DNAH14: variants seen among roughly 807,000 people sequenced by gnomAD.
DNAH14 encodes dynein axonemal heavy chain 14.
Under a neutral mutation model 520.9 loss-of-function variants are expected in DNAH14, and 478 were observed. That is an observed-to-expected ratio of 0.92 (90% CI 0.85 to 0.99). The LOEUF (loss-of-function observed/expected upper bound fraction) is 0.99, where lower values mean the gene tolerates loss of function less well. Among genes scored for constraint, DNAH14 ranks in the 50% least tolerant of loss-of-function variants. The pLI, the probability that DNAH14 is intolerant of heterozygous loss-of-function variation, is 0.00. For synonymous variants in DNAH14, 1,581 were observed against 1,757.2 expected (o/e 0.90, Z 2.51); for missense variants, 4,831 against 5,234.5 (o/e 0.92, Z 2.38).
intron 36 of DNAH14, among the ~76,000 whole-genome samples, chr1:225,175,555 A>AT (rs2083221223): frequency 6.6e-6 from 1 of 151,586 alleles, no homozygotes; most frequent in South Asian, 2.1e-4. Context: ...AGATTTGTTG[A>AT]TTTTTAAAAA....
intron 71 of DNAH14, among the ~76,000 whole-genome samples, chr1:225,350,269 AT>A (rs2095346851): frequency 6.6e-6 from 1 of 152,172 alleles, no homozygotes; most frequent in South Asian, 2.1e-4. Context: ...TAGGGGATAC[AT>A]TGAAAGCAGT....
At chr1:225,078,408 T>C (rs897627164) in intron 17 of DNAH14, among the ~76,000 whole-genome samples, 1 of 152,252 alleles carries the variant, frequency 6.6e-6, no homozygotes, top group Non-Finnish European at 1.5e-5. Context: ...CAGTCATAAT[T>C]TGCCATTTGT....
At chr1:224,939,218 G>A (rs1274286949) in intron 1 of DNAH14, among the ~76,000 whole-genome samples, 1 of 152,202 alleles carries the variant, frequency 6.6e-6, no homozygotes, top group African/African-American at 2.4e-5. Flanking sequence ...TTAATTTATT[G>A]TCTTCTGGCT....
At chr1:225,279,652 A>G (rs1373659038) in intron 54 of DNAH14, among the ~76,000 whole-genome samples, 1 of 152,170 alleles carries the variant, frequency 6.6e-6, no homozygotes, top group Non-Finnish European at 1.5e-5. Flanking sequence ...CCAGAGGAAA[A>G]CAAGAAAACT....
chr1:225,143,966 T>C (rs936486059), intron 28 of DNAH14, among the ~76,000 whole-genome samples: 5 of 152,200 alleles, frequency 3.3e-5, no homozygotes, highest in African/African-American at 1.2e-4. Flanking sequence ...TCTACAAAGT[T>C]CAATTTGTTT....
At chr1:225,096,436 C>A (rs560531597) in intron 21 of DNAH14, among the ~76,000 whole-genome samples, 1 of 152,126 alleles carries the variant, frequency 6.6e-6, no homozygotes, top group Non-Finnish European at 1.5e-5. Context: ...CCATGAGGAA[C>A]CAGAGAGTTA....
intron 41 of DNAH14, among the ~76,000 whole-genome samples, chr1:225,208,309 A>G (rs1227372644): frequency 2.6e-5 from 4 of 152,088 alleles, no homozygotes; most frequent in Non-Finnish European, 4.4e-5. Context: ...AAAAAACAAC[A>G]ACTGGAGGTT....
At chr1:224,981,043 C>T (rs916688767) in intron 8 of DNAH14, among the ~76,000 whole-genome samples, 3 of 149,660 alleles carry the variant, frequency 2.0e-5, no homozygotes, top group Non-Finnish European at 4.4e-5. Flanking sequence ...TTTTCTGCAT[C>T]TATTGAGATG....
intron 22 of DNAH14, among the ~76,000 whole-genome samples, chr1:225,099,537 C>G (rs2075273812): frequency 6.6e-6 from 1 of 152,122 alleles, no homozygotes; most frequent in Admixed American, 6.6e-5. Context: ...CAGAACTTCT[C>G]CCTACCCCCA....
intron 44 of DNAH14, among the ~76,000 whole-genome samples, chr1:225,256,904 A>T (rs955799905): frequency 7.0e-6 from 1 of 143,604 alleles, no homozygotes; most frequent in South Asian, 2.2e-4. Context: ...TTGCTATTTT[A>T]AAAAAAAAAC....
At chr1:224,967,673 G>T in intron 6 of DNAH14, 90 bp downstream of exon 6, 1 of 1,597,208 alleles carries the variant, frequency 6.3e-7, no homozygotes, top group South Asian at 1.1e-5. Context: ...TTATCTTTGT[G>T]TTTCAGAGAT....
chr1:224,970,715 C>T (rs1453421127), intron 7 of DNAH14, among the ~76,000 whole-genome samples: 1 of 152,018 alleles, frequency 6.6e-6, no homozygotes. Flanking sequence ...GCTGAATTTC[C>T]CCTGATAGGT....
intron 54 of DNAH14, among the ~76,000 whole-genome samples, chr1:225,282,822 A>C (rs2093655888): frequency 6.6e-6 from 1 of 152,060 alleles, no homozygotes; most frequent in South Asian, 2.1e-4. Flanking sequence ...TTGTTTATTG[A>C]TCATTCGGGT....
chr1:225,019,132 G>C (rs2065448238), intron 10 of DNAH14, among the ~76,000 whole-genome samples: 1 of 152,126 alleles, frequency 6.6e-6, no homozygotes, highest in Non-Finnish European at 1.5e-5. Flanking sequence ...TGACAAACTG[G>C]ATAAAGAAGC....
rs1358974846 is a variant in DNAH14 at position 225,080,457 on chromosome 1, G to A, written c.2845G>A (p.Ala949Thr). Residue 949 changes from alanine (A) to threonine (T), a missense_variant, in exon 19 of 86, where the codon GCT becomes ACT. Physicochemically the swap from Ala to Thr is moderately conservative, Grantham distance 58. Coordinates refer to ENST00000682510, the MANE Select transcript of DNAH14 (RefSeq NM_001367479.1). ...MEMIQTLSGE[A>T]ASLTNKAKAY... ...AATGATCCAGACTCTCTCAGGGGAA[G>A]CTGCAAGTTTAACTAACAAAGCTAA... The A allele has an allele frequency of 6.4e-7, 1 of 1,551,624 alleles. No individual in the cohort carries two copies. Among genetic ancestry groups the A allele is most frequent in the Non-Finnish European group, 8.7e-7 (1 of 1,147,006 alleles).
intron 10 of DNAH14, among the ~76,000 whole-genome samples, chr1:225,010,156 C>T (rs772985129): frequency 6.6e-4 from 101 of 152,266 alleles, no homozygotes; most frequent in Non-Finnish European, 1.2e-3. Context: ...TGAAAGAGGG[C>T]ATCCTTGTCT....
chr1:224,936,036 G>A lies in DNAH14; in HGVS notation c.-34+6201G>A, dbSNP rs189288854. Among the ~76,000 whole-genome samples, 220 of 151,546 alleles carry A rather than the reference G, an allele frequency of 1.5e-3. 2 individuals are homozygous for A. The highest frequency in any genetic ancestry group is 6.8e-3 in the Middle Eastern group (2 of 292). On this transcript the variant is annotated intron_variant, in intron 1 of 85. Transcript: ENST00000682510. Reference sequence around the variant, plus strand: ...AAACAAATGAAAATGGAAACATAACGTACCCAAACCTGTGGAATATATCAA... The same window carrying A: ...AAACAAATGAAAATGGAAACATAACATACCCAAACCTGTGGAATATATCAA...
chr1:225,314,504 G>A (rs111919006), intron 60 of DNAH14, among the ~76,000 whole-genome samples: 18 of 152,084 alleles, frequency 1.2e-4, no homozygotes, highest in South Asian at 2.1e-4. Flanking sequence ...TTTTTTGCCC[G>A]TTAGTTGATG....
At chr1:225,296,951 C>G (rs1303914259) in intron 55 of DNAH14, among the ~76,000 whole-genome samples, 1 of 152,122 alleles carries the variant, frequency 6.6e-6, no homozygotes, top group African/African-American at 2.4e-5. Flanking sequence ...CTGTAATGTT[C>G]CTCAGATAGG....
Sources: allele counts gnomAD v4.1 joint callset (sites outside exome capture counted in the v4.1 genomes callset), GRCh38; gene constraint gnomAD v4.1.1; transcripts MANE v1.5; gene names NCBI Gene and HGNC (gene_info 2026-07-23, HGNC 2026-07-21).